PAK1: variants seen among roughly 807,000 people sequenced by gnomAD.
PAK1 encodes serine/threonine-protein kinase PAK 1.
Under a neutral mutation model 67.4 loss-of-function variants are expected in PAK1, and 29 were observed. The observed-to-expected ratio is 0.43, with a 90% CI of 0.32 to 0.59. The LOEUF is 0.59. Ranked by LOEUF, PAK1 falls within the 20% of genes least tolerant of loss-of-function variation. PAK1 has a pLI of 0.07. For missense variants in PAK1, 337 were observed against 670.7 expected (o/e 0.50, Z 5.50); for synonymous variants, 223 against 237.4 (o/e 0.94, Z 0.56).
chr11:77,403,884 T>A (rs1255184730), intron 1 of PAK1, among the ~76,000 whole-genome samples: 1 of 152,152 alleles, frequency 6.6e-6, no homozygotes, highest in African/African-American at 2.4e-5. Context: ...AAAAGGTGAT[T>A]GGGTCATGAG....
the PAK1 span, among the ~76,000 whole-genome samples, chr11:77,495,573 A>C: frequency 2.0e-5 from 3 of 152,358 alleles, no homozygotes; most frequent in East Asian, 5.8e-4. Context: ...AGGGTCTCAA[A>C]GAGGTATTTG....
chr11:77,326,631 A>G (rs187271938), intron 14 of PAK1, among the ~76,000 whole-genome samples: 3 of 152,300 alleles, frequency 2.0e-5, no homozygotes, highest in Non-Finnish European at 4.4e-5. Context: ...GGCTACAGTG[A>G]GCCATGATTG....
At chr11:77,367,978 AAAAC>A (rs1303032266) in intron 5 of PAK1, among the ~76,000 whole-genome samples, 3 of 152,316 alleles carry the variant, frequency 2.0e-5, no homozygotes, top group Non-Finnish European at 2.9e-5. Flanking sequence ...ACTCCGTCTC[AAAAC>A]AAACAAACAA....
the PAK1 span, among the ~76,000 whole-genome samples, chr11:77,488,525 G>T: frequency 6.6e-6 from 1 of 152,104 alleles, no homozygotes; most frequent in Admixed American, 6.5e-5. Context: ...CTGTTTTGAG[G>T]AAACTCAGCA....
intron 1 of PAK1, among the ~76,000 whole-genome samples, chr11:77,422,659 G>T (rs4944160): frequency 0.068 from 10,357 of 152,014 alleles, 795 homozygotes; most frequent in East Asian, 0.24. Context: ...TTTTATCCAG[G>T]AAAGTAATGA....
chr11:77,473,274 C>G (rs1040514447), intron 1 of PAK1: 6 of 152,644 alleles, frequency 3.9e-5, no homozygotes, highest in African/African-American at 1.4e-4. Context: ...CCTGGCCCCG[C>G]CCCGCCCCTT....
At chr11:77,363,410 T>C (rs1947067115) in intron 5 of PAK1, among the ~76,000 whole-genome samples, 1 of 152,218 alleles carries the variant, frequency 6.6e-6, no homozygotes. Flanking sequence ...CAAGGATTGA[T>C]ACCTGACTAA....
chr11:77,490,298 A>ACG, the PAK1 span, among the ~76,000 whole-genome samples: 2 of 79,906 alleles, frequency 2.5e-5, no homozygotes, highest in African/African-American at 1.3e-4. Context: ...CAGCCCCCCC[A>ACG]CCCGGCCAGC....
chr11:77,498,132 C>T, the PAK1 span, among the ~76,000 whole-genome samples: 8 of 152,046 alleles, frequency 5.3e-5, no homozygotes, highest in Non-Finnish European at 1.0e-4. Context: ...AGGTGAAACC[C>T]AAATAAAATC....
intron 3 of PAK1, 40 bp from the exon 4 acceptor site, chr11:77,379,428 C>A: frequency 6.3e-7 from 1 of 1,583,352 alleles, no homozygotes; most frequent in South Asian, 1.1e-5. Context: ...AAGGCACAGT[C>A]ACAGGGGAGC....
chr11:77,409,266 G>C (rs904821138), intron 1 of PAK1, among the ~76,000 whole-genome samples: 4 of 152,008 alleles, frequency 2.6e-5, no homozygotes, highest in African/African-American at 7.3e-5. Flanking sequence ...GCAAGACCCT[G>C]TCTCAAGAAA....
the PAK1 span, among the ~76,000 whole-genome samples, chr11:77,486,161 T>C: frequency 6.6e-6 from 1 of 152,216 alleles, no homozygotes. Context: ...TCCTGTTCCT[T>C]GCAGCCAAGT....
chr11:77,373,842 T>C (rs1948753377), intron 5 of PAK1, among the ~76,000 whole-genome samples: 1 of 152,210 alleles, frequency 6.6e-6, no homozygotes. Flanking sequence ...CAACAATTAG[T>C]ACTAATCTTG....
intron 1 of PAK1, among the ~76,000 whole-genome samples, chr11:77,400,106 G>T (rs1952467700): frequency 6.6e-6 from 1 of 151,906 alleles, no homozygotes; most frequent in Admixed American, 6.6e-5. Flanking sequence ...GATTTAATTG[G>T]TCTGGAGTAG....
chr11:77,479,567 T>C (rs976122296), upstream of PAK1, among the ~76,000 whole-genome samples: 1 of 151,392 alleles, frequency 6.6e-6, no homozygotes, highest in Non-Finnish European at 1.5e-5. Context: ...GAGCAGCTAT[T>C]CAGAAACCAT....
chr11:77,494,552 T>C, the PAK1 span, among the ~76,000 whole-genome samples: 414 of 129,752 alleles, frequency 3.2e-3, 1 homozygote, highest in African/African-American at 0.012. Context: ...AAAAGGAACA[T>C]ACAAAGATGT....
intron 14 of PAK1, chr11:77,325,212 CTAG>C: frequency 8.2e-7 from 1 of 1,226,026 alleles, no homozygotes; most frequent in South Asian, 1.5e-5. Flanking sequence ...ACAAAACAGA[CTAG>C]ATGAGCCCTA....
At chr11:77,342,591 A>G (rs1357820071) in intron 10 of PAK1, among the ~76,000 whole-genome samples, 1 of 152,212 alleles carries the variant, frequency 6.6e-6, no homozygotes, top group Non-Finnish European at 1.5e-5. Flanking sequence ...TAACTTTCAG[A>G]GGATTCTTCA....
intron 1 of PAK1, among the ~76,000 whole-genome samples, chr11:77,472,227 T>C (rs1251651127): frequency 6.6e-6 from 1 of 152,210 alleles, no homozygotes. Flanking sequence ...TTAAAGAGTA[T>C]GGATAAGCTT....
Sources: allele counts gnomAD v4.1 joint callset (sites outside exome capture counted in the v4.1 genomes callset), GRCh38; gene constraint gnomAD v4.1.1; transcripts MANE v1.5; gene names NCBI Gene and HGNC (gene_info 2026-07-23, HGNC 2026-07-21).